ARHGAP21: variants seen among roughly 807,000 people sequenced by gnomAD.
The protein encoded by ARHGAP21 is Rho GTPase activating protein 21, also known as rho GTPase-activating protein 21.
A neutral mutation model predicts 164.6 loss-of-function variants in ARHGAP21; 38 were observed. The ratio of observed to expected loss-of-function variants is 0.23; its 90% CI spans 0.18 to 0.30. The LOEUF (loss-of-function observed/expected upper bound fraction) is 0.30, where lower values mean the gene tolerates loss of function less well. Ranked by LOEUF, ARHGAP21 falls within the 10% of genes least tolerant of loss-of-function variation. ARHGAP21 has a pLI of 1.00. For synonymous variants in ARHGAP21, 766 were observed against 857.9 expected (o/e 0.89, Z 1.87); for missense variants, 1,822 against 2,370.7 (o/e 0.77, Z 4.81).
intron 4 of ARHGAP21, among the ~76,000 whole-genome samples, chr10:24,658,561 A>G (rs897348175): frequency 6.6e-6 from 1 of 152,198 alleles, no homozygotes. Flanking sequence ...CCATCATCTG[A>G]GCAAACTATC....
intron 2 of ARHGAP21, among the ~76,000 whole-genome samples, chr10:24,679,987 T>C (rs1029902896): frequency 2.0e-5 from 3 of 151,932 alleles, no homozygotes; most frequent in African/African-American, 4.8e-5. Flanking sequence ...CCTGTGTCCA[T>C]GTGTTCTCAT....
chr10:24,647,083 T>C (rs1446292989), intron 4 of ARHGAP21, among the ~76,000 whole-genome samples: 1 of 152,220 alleles, frequency 6.6e-6, no homozygotes, highest in African/African-American at 2.4e-5. Context: ...TTAAGTGTTT[T>C]AGAACCCTTG....
intron 15 of ARHGAP21, 107 bp downstream of exon 15, chr10:24,597,838 C>A: frequency 3.2e-6 from 4 of 1,235,476 alleles, no homozygotes; most frequent in Non-Finnish European, 4.6e-6. Context: ...GTACTATCTG[C>A]GGTTTCAAGC....
intron 2 of ARHGAP21, among the ~76,000 whole-genome samples, chr10:24,703,904 G>A (rs1262203525): frequency 6.6e-6 from 1 of 152,182 alleles, no homozygotes; most frequent in Non-Finnish European, 1.5e-5. Flanking sequence ...TAAAAGCCTA[G>A]AGCCACATCT....
intron 24 of ARHGAP21, 42 bp downstream of exon 24, chr10:24,591,183 A>G: frequency 6.9e-7 from 1 of 1,447,398 alleles, no homozygotes; most frequent in Non-Finnish European, 9.6e-7. Context: ...GTAAGAATGT[A>G]GCTTTCAGCC....
At chr10:24,642,196 C>A (rs561863444) in intron 4 of ARHGAP21, among the ~76,000 whole-genome samples, 2 of 152,166 alleles carry the variant, frequency 1.3e-5, no homozygotes, top group East Asian at 3.9e-4. Context: ...TATATCCATA[C>A]ACACCACTAA....
chr10:24,657,297 G>T (rs1430429068), intron 4 of ARHGAP21, among the ~76,000 whole-genome samples: 2 of 13,996 alleles, frequency 1.4e-4, no homozygotes, highest in East Asian at 3.3e-3. Flanking sequence ...GAGGGAGGTG[G>T]GGGGGGGGTC....
chr10:24,626,359 A>G (rs944094634), intron 7 of ARHGAP21, among the ~76,000 whole-genome samples: 3 of 152,118 alleles, frequency 2.0e-5, no homozygotes, highest in African/African-American at 7.2e-5. Context: ...AGTGTGAATG[A>G]GTTAGGAGAT....
chr10:24,695,040 A>G (rs938236592), intron 2 of ARHGAP21, among the ~76,000 whole-genome samples: 1 of 91,008 alleles, frequency 1.1e-5, no homozygotes, highest in Non-Finnish European at 2.2e-5. Context: ...AACAGAGCAA[A>G]ATTCCATCTC....
rs528871754 is a variant in ARHGAP21 at position 24,618,837 on chromosome 10, G to A, written c.2422+636C>T. The stretch of plus-strand genomic sequence containing the variant: ...AGGAAACAGAGGGTTCTGCACAGAG[G>A]AGTGGTGTGATCTAATTGACATTTT... On this transcript the variant is annotated intron_variant, in intron 9 of 25. Coordinates refer to ENST00000396432, the MANE Select transcript of ARHGAP21 (RefSeq NM_020824.4). 5.4e-4 allele frequency among the ~76,000 whole-genome samples: 83 copies of A among 152,316 alleles called. 1 individual carries two copies. The highest frequency in any genetic ancestry group is 1.7e-3 in the South Asian group (8 of 4,826).
At chr10:24,590,940 T>TAAAAAAA (rs901265529) in intron 24 of ARHGAP21, 2 of 680,382 alleles carry the variant, frequency 2.9e-6, no homozygotes, top group Non-Finnish European at 3.5e-6. Flanking sequence ...AACTGTGAAT[T>TAAAAAAA]AAAAAAAAAA....
intron 3 of ARHGAP21, among the ~76,000 whole-genome samples, chr10:24,669,979 A>T (rs1840545066): frequency 6.6e-6 from 1 of 152,258 alleles, no homozygotes; most frequent in Non-Finnish European, 1.5e-5. Flanking sequence ...GTCCTTAAAA[A>T]ATGCAGATTT....
chr10:24,604,506 C>T (rs918790749), intron 11 of ARHGAP21, among the ~76,000 whole-genome samples, 158 bp from the exon 12 acceptor site: 8 of 152,038 alleles, frequency 5.3e-5, no homozygotes. Flanking sequence ...AGAAAAAAAG[C>T]TAATTTTATA....
At chr10:24,675,093 C>T (rs769163752) in intron 2 of ARHGAP21, among the ~76,000 whole-genome samples, 5 of 152,150 alleles carry the variant, frequency 3.3e-5, no homozygotes, top group Admixed American at 6.5e-5. Context: ...AAATTGAAAG[C>T]ATACGTCAAC....
At chr10:24,690,988 T>C (rs1180038363) in intron 2 of ARHGAP21, among the ~76,000 whole-genome samples, 2 of 152,008 alleles carry the variant, frequency 1.3e-5, no homozygotes, top group African/African-American at 4.8e-5. Context: ...GTCATTGGTG[T>C]TCAGAACACA....
chr10:24,600,533 G>T, intron 14 of ARHGAP21, 113 bp downstream of exon 14: 1 of 1,306,064 alleles, frequency 7.7e-7, no homozygotes, highest in Non-Finnish European at 1.0e-6. Context: ...TGTTTTACAT[G>T]AAAATAGCAC....
intron 24 of ARHGAP21, 115 bp downstream of exon 24, chr10:24,591,110 G>T: frequency 9.5e-7 from 1 of 1,056,676 alleles, no homozygotes; most frequent in Non-Finnish European, 1.4e-6. Flanking sequence ...TTAGTAGAAA[G>T]GAAGAGAAAA....
chr10:24,606,061 C>A (rs148501667), intron 11 of ARHGAP21, among the ~76,000 whole-genome samples: 38 of 152,142 alleles, frequency 2.5e-4, no homozygotes, highest in Non-Finnish European at 5.0e-4. Flanking sequence ...GTAAAGTTGT[C>A]TCTTTATCTA....
In ARHGAP21 at chr10:24,600,943, C is replaced by CGACAGTTCTTTAATAGTCAATAT. The variant is rs1206073860; in HGVS notation, c.2848-36_2848-14dup. The CGACAGTTCTTTAATAGTCAATAT allele has an allele frequency of 1.9e-6, 3 of 1,606,082 alleles. No individual in the cohort carries two copies. In the African/African-American group the frequency reaches 4.0e-5, roughly 22 times the overall value. On this transcript the variant is annotated splice_polypyrimidine_tract_variant and intron_variant, in intron 13 of 25. Coordinates refer to ENST00000396432, the MANE Select transcript of ARHGAP21 (RefSeq NM_020824.4). ...TTCCACCAACTCGCTAGAAAACATG[C>CGACAGTTCTTTAATAGTCAATAT]GACAGTTCTTTAATAGTCAATATTT...
Sources: gnomAD v4.1 joint callset for allele counts (sites outside exome capture counted in the v4.1 genomes callset) on GRCh38, gnomAD v4.1.1 for gene constraint, MANE v1.5 for transcripts, NCBI Gene and HGNC (gene_info 2026-07-23, HGNC 2026-07-21) for gene names.